SEC14L1: variants seen among roughly 807,000 people sequenced by gnomAD.
SEC14L1 encodes the protein SEC14-like protein 1.
A neutral mutation model predicts 85.3 loss-of-function variants in SEC14L1; 48 were observed. The observed-to-expected ratio is 0.56, with a 90% confidence interval of 0.45 to 0.72. The LOEUF (loss-of-function observed/expected upper bound fraction) is 0.72. SEC14L1 is among the 30% of genes least tolerant of loss of function. The pLI is 0.00. For synonymous variants in SEC14L1, 391 were observed against 355.5 expected (o/e 1.10, Z -1.12); for missense variants, 682 against 921.4 (o/e 0.74, Z 3.36).
chr17:77,141,342 G>GCCCCCACCCCCA (rs1428717385), intron 1 of SEC14L1: 1 of 22,008 alleles, frequency 4.5e-5, no homozygotes, highest in African/African-American at 1.7e-4. Context: ...CCCCTCCCCC[G>GCCCCCACCCCCA]CCCCCACCCC....
intron 3 of SEC14L1, among the ~76,000 whole-genome samples, chr17:77,164,967 G>C (rs1974221944): frequency 6.6e-6 from 1 of 152,218 alleles, no homozygotes; most frequent in Non-Finnish European, 1.5e-5. Flanking sequence ...CTTCCAAGTA[G>C]ATCGTGTTTC....
intron 3 of SEC14L1, among the ~76,000 whole-genome samples, chr17:77,181,526 C>T (rs954958561): frequency 2.0e-5 from 3 of 152,238 alleles, no homozygotes; most frequent in African/African-American, 7.2e-5. Context: ...GATTCTCCAG[C>T]CTTGCCTCCT....
chr17:77,129,486 G>A (rs1972550058), intron 3 of SEC14L1, among the ~76,000 whole-genome samples: 1 of 152,152 alleles, frequency 6.6e-6, no homozygotes, highest in African/African-American at 2.4e-5. Flanking sequence ...CCCGGGCAGG[G>A]CTGTAGGGTG....
chr17:77,129,647 CCT>C (rs1270341755), intron 3 of SEC14L1, among the ~76,000 whole-genome samples: 1 of 152,024 alleles, frequency 6.6e-6, no homozygotes, highest in Non-Finnish European at 1.5e-5. Flanking sequence ...TCTGATGACC[CCT>C]GTGTGTCTTC....
intron 13 of SEC14L1, 103 bp from the exon 14 acceptor site, chr17:77,209,239 C>T (rs1377543124): frequency 1.4e-6 from 2 of 1,395,754 alleles, no homozygotes; most frequent in Non-Finnish European, 2.0e-6. Context: ...TCTCAGCAAC[C>T]TCCAGAAGTT....
At chr17:77,162,630 C>T (rs1045373473) in intron 3 of SEC14L1, among the ~76,000 whole-genome samples, 5 of 151,934 alleles carry the variant, frequency 3.3e-5, no homozygotes, top group African/African-American at 1.2e-4. Context: ...GTCGGGAGTT[C>T]GAGAGCAGCA....
intron 9 of SEC14L1, among the ~76,000 whole-genome samples, chr17:77,201,900 C>T (rs773459867): frequency 1.3e-5 from 2 of 152,156 alleles, no homozygotes; most frequent in Non-Finnish European, 2.9e-5. Flanking sequence ...GTGACAAATA[C>T]AAGATAAATG....
At chr17:77,099,718 T>G (rs1490432718) in intron 3 of SEC14L1, among the ~76,000 whole-genome samples, 1 of 152,128 alleles carries the variant, frequency 6.6e-6, no homozygotes, top group Admixed American at 6.6e-5. Flanking sequence ...ATCACCCCAC[T>G]GCATTCCAGC....
chr17:77,193,872 C>T (rs1184888276), intron 6 of SEC14L1, among the ~76,000 whole-genome samples: 3 of 152,162 alleles, frequency 2.0e-5, no homozygotes, highest in South Asian at 2.1e-4. Context: ...GCCTGGGGGC[C>T]TGGGGAGGTG....
At chr17:77,117,053 AAATGC>A (rs1972185013) in intron 3 of SEC14L1, among the ~76,000 whole-genome samples, 1 of 152,182 alleles carries the variant, frequency 6.6e-6, no homozygotes, top group African/African-American at 2.4e-5. Flanking sequence ...TCCCTGCAGT[AAATGC>A]AATGGAAGGC....
intron 10 of SEC14L1, 35 bp downstream of exon 10, chr17:77,203,693 G>A (rs367912541): frequency 1.9e-6 from 3 of 1,551,230 alleles, no homozygotes; most frequent in African/African-American, 2.7e-5. Context: ...AGGTGCCACT[G>A]TGGCGTCACT....
At chr17:77,139,703 T>C (rs1258506228), upstream of SEC14L1, among the ~76,000 whole-genome samples, 1 of 151,750 alleles carries the variant, frequency 6.6e-6, no homozygotes, top group African/African-American at 2.4e-5. Flanking sequence ...TTTCACCGTG[T>C]TAGCCAGGAT....
At chr17:77,173,670 G>A (rs1974624260) in intron 3 of SEC14L1, among the ~76,000 whole-genome samples, 1 of 152,190 alleles carries the variant, frequency 6.6e-6, no homozygotes, top group South Asian at 2.1e-4. Context: ...AAAACTGATG[G>A]TTTGAGGATA....
chr17:77,200,753 G>A (rs117048292), intron 9 of SEC14L1, 80 bp downstream of exon 9: 22,595 of 1,429,202 alleles, frequency 0.016, 277 homozygotes, highest in South Asian at 0.049. Flanking sequence ...CTCCTTCCCT[G>A]GAGTTGAGTG....
At position 77,200,811 on chromosome 17, in the gene SEC14L1, C is replaced by G. The variant is rs549106724; in HGVS notation, c.1009+138C>G. The G allele has an allele frequency of 4.9e-6, 4 of 820,196 alleles. 1 individual carries two copies. The South Asian group carries it at 7.1e-5, about 14-fold the overall frequency. 50.8% of individuals were successfully genotyped at this position (820,196 alleles called of 1,614,324 possible). A position where few individuals can be genotyped will look rare whatever the true frequency, so the allele number is the denominator to read the frequency against. On this transcript the variant is annotated intron_variant, in intron 9 of 16. Transcript: ENST00000436233. The stretch of plus-strand genomic sequence containing the variant: ...TCTCCTCACTCTGAGAATTTGGCAC[C>G]TTTCCCAAGTTGAACAGACTGATAC...
chr17:77,215,876 G>T lies in SEC14L1; in HGVS notation c.*1853G>T. ...TTAGTAGGTAGGGTTCGTAGGTAGG[G>T]TTCGTAGGTAGGGTTCGTAGGTAGG... On this transcript the variant is annotated 3_prime_UTR_variant, in exon 17 of 17. Transcript: ENST00000436233. 3.1e-6 allele frequency: 3 copies of T among 974,864 alleles called. No individual in the cohort carries two copies. Among genetic ancestry groups the T allele is most frequent in the Non-Finnish European group, 3.6e-6 (3 of 825,114 alleles). 60.4% of individuals were successfully genotyped at this position (974,864 alleles called of 1,614,324 possible).
rs977114287 is a variant in SEC14L1, at chr17:77,193,426, C to T, written c.351C>T (p.His117=). ...TGCTTTCTCTTTATCTGCAGGTTCA[C>T]CCTGAAAATGAAGATTGGACCTGTT... ...IINEHCCYTV[H]PENEDWTCFE... Residue 117 remains histidine, a synonymous_variant, in exon 6 of 17, where the codon CAC becomes CAT. Transcript: ENST00000436233. 1 of 1,599,012 alleles carries T rather than the reference C, an allele frequency of 6.3e-7. No homozygotes were observed. Among genetic ancestry groups the T allele is most frequent in the Non-Finnish European group, 8.6e-7 (1 of 1,169,378 alleles).
At chr17:77,186,924 T>C (rs1279349920) in intron 3 of SEC14L1, among the ~76,000 whole-genome samples, 1 of 152,232 alleles carries the variant, frequency 6.6e-6, no homozygotes, top group East Asian at 1.9e-4. Flanking sequence ...TCCTTAACTC[T>C]GTTTTTGGTT....
chr17:77,142,626 C>T lies in SEC14L1; in HGVS notation c.-135-20C>T, dbSNP rs1304970653. The T allele has an allele frequency of 1.3e-5, 2 of 148,404 alleles. No homozygotes were observed. Among genetic ancestry groups the T allele is most frequent in the Non-Finnish European group, 3.0e-5 (2 of 67,128 alleles). The allele number at this position is 148,404 out of a possible 1,614,324, so 9.2% of individuals were successfully genotyped here. On this transcript the variant is annotated intron_variant, in intron 1 of 16. Coordinates refer to ENST00000436233, the MANE Select transcript of SEC14L1 (RefSeq NM_001143998.2). ...TAAAATACATCTTGGTAATTTGTCT[C>T]TCTCTTTTTTTTTTAACAGCTAGAC...
Sources: gnomAD v4.1 joint callset for allele counts (sites outside exome capture counted in the v4.1 genomes callset) on GRCh38, gnomAD v4.1.1 for gene constraint, MANE v1.5 for transcripts, NCBI Gene and HGNC (gene_info 2026-07-23, HGNC 2026-07-21) for gene names.